The following ADAMTSL1 variants were observed in gnomAD, a reference collection of about 807,000 sequenced individuals.
ADAMTSL1 encodes ADAMTS-like protein 1.
ADAMTSL1 carries 126 observed loss-of-function variants against 201.8 expected under a neutral mutation model. The ratio of observed to expected loss-of-function variants is 0.62; its 90% CI spans 0.54 to 0.72. ADAMTSL1 has a LOEUF of 0.72. ADAMTSL1 is among the 30% of genes least tolerant of loss of function. The pLI, the probability that ADAMTSL1 is intolerant of heterozygous loss-of-function variation, is 0.00. For missense variants in ADAMTSL1, 2,679 were observed against 2,277.8 expected (o/e 1.18, Z -3.59); for synonymous variants, 1,121 against 903.4 (o/e 1.24, Z -4.32).
intron 2 of ADAMTSL1, among the ~76,000 whole-genome samples, chr9:18,325,880 A>G (rs753117399): frequency 1.4e-4 from 22 of 152,182 alleles, no homozygotes; most frequent in South Asian, 4.1e-4. Context: ...CGCTGGGATT[A>G]CAGGCATGCA....
At chr9:18,766,055 A>C (rs1820338934) in intron 16 of ADAMTSL1, among the ~76,000 whole-genome samples, 1 of 134,880 alleles carries the variant, frequency 7.4e-6, no homozygotes, top group Admixed American at 7.1e-5. Flanking sequence ...ACAAAACAAC[A>C]AAAAAAAAGT....
chr9:18,443,147 G>A (rs902558800), intron 2 of ADAMTSL1, among the ~76,000 whole-genome samples: 1 of 152,184 alleles, frequency 6.6e-6, no homozygotes, highest in Non-Finnish European at 1.5e-5. Context: ...GGCCTTTGAT[G>A]TATTTTATAG....
At chr9:17,935,169 A>T (rs983726964) in intron 1 of ADAMTSL1, among the ~76,000 whole-genome samples, 2 of 151,870 alleles carry the variant, frequency 1.3e-5, no homozygotes, top group African/African-American at 4.8e-5. Context: ...CTCCATCCTC[A>T]TTTCACTTGA....
At chr9:17,982,637 T>C (rs528540345) in intron 1 of ADAMTSL1, among the ~76,000 whole-genome samples, 2 of 151,648 alleles carry the variant, frequency 1.3e-5, no homozygotes, top group South Asian at 4.2e-4. Flanking sequence ...AATAAATAAA[T>C]AAAAATAAAA....
chr9:18,650,107 C>A (rs1345859571), intron 7 of ADAMTSL1, among the ~76,000 whole-genome samples: 1 of 152,212 alleles, frequency 6.6e-6, no homozygotes, highest in African/African-American at 2.4e-5. Flanking sequence ...GGGTGCCCAT[C>A]CCCAAGCCTC....
chr9:18,558,588 G>C (rs1821260637), intron 3 of ADAMTSL1, among the ~76,000 whole-genome samples: 1 of 152,198 alleles, frequency 6.6e-6, no homozygotes, highest in Non-Finnish European at 1.5e-5. Flanking sequence ...TCGCCACACT[G>C]TTTTCCACAA....
chr9:18,459,759 A>C (rs1374330688), intron 2 of ADAMTSL1, among the ~76,000 whole-genome samples: 2 of 152,226 alleles, frequency 1.3e-5, no homozygotes, highest in African/African-American at 4.8e-5. Flanking sequence ...AACTGTAAAA[A>C]TTGAGAGCTT....
intron 5 of ADAMTSL1, among the ~76,000 whole-genome samples, chr9:18,633,196 A>G (rs1191326899): frequency 1.3e-5 from 2 of 152,188 alleles, no homozygotes; most frequent in Admixed American, 1.3e-4. Context: ...GTGGGTAAAC[A>G]AAGACTTTCT....
chr9:18,183,745 T>G (rs1000635964), intron 2 of ADAMTSL1, among the ~76,000 whole-genome samples: 1 of 152,152 alleles, frequency 6.6e-6, no homozygotes, highest in African/African-American at 2.4e-5. Flanking sequence ...CAACATTCAG[T>G]AATTTATGTA....
At chr9:18,858,931 T>C (rs1369726659) in intron 23 of ADAMTSL1, among the ~76,000 whole-genome samples, 3 of 152,352 alleles carry the variant, frequency 2.0e-5, no homozygotes, top group Non-Finnish European at 2.9e-5. Flanking sequence ...AGTTTCTTAA[T>C]AGATGCATTA....
At chr9:18,359,374 A>T (rs988285353) in intron 2 of ADAMTSL1, among the ~76,000 whole-genome samples, 1 of 152,186 alleles carries the variant, frequency 6.6e-6, no homozygotes. Flanking sequence ...CTTTGAGAAA[A>T]GGTTACACAA....
chr9:18,845,908 C>T (rs1032514720), intron 23 of ADAMTSL1, among the ~76,000 whole-genome samples: 3 of 152,112 alleles, frequency 2.0e-5, no homozygotes, highest in Non-Finnish European at 4.4e-5. Context: ...AAAGTAGGAG[C>T]GTATATGAGA....
chr9:18,076,666 A>T (rs544863915), intron 1 of ADAMTSL1, among the ~76,000 whole-genome samples: 1 of 152,306 alleles, frequency 6.6e-6, no homozygotes, highest in African/African-American at 2.4e-5. Flanking sequence ...ACAAGCAGCT[A>T]ATGTTGGCCA....
At chr9:18,421,786 G>T (rs961578892) in intron 2 of ADAMTSL1, among the ~76,000 whole-genome samples, 1 of 152,052 alleles carries the variant, frequency 6.6e-6, no homozygotes, top group Non-Finnish European at 1.5e-5. Context: ...AAATAAAATA[G>T]GTGTCCAATA....
intron 5 of ADAMTSL1, among the ~76,000 whole-genome samples, chr9:18,627,611 A>G (rs980411777): frequency 6.6e-6 from 1 of 152,166 alleles, no homozygotes. Context: ...ATTCTTTGGC[A>G]TCTTCAAAGT....
At chr9:18,145,427 G>T (rs181805915) in intron 1 of ADAMTSL1, among the ~76,000 whole-genome samples, 1 of 152,216 alleles carries the variant, frequency 6.6e-6, no homozygotes, top group Middle Eastern at 3.4e-3. Context: ...AAACTTGAGG[G>T]AATGTTAATC....
At chr9:18,055,466 A>C (rs951445237) in intron 1 of ADAMTSL1, among the ~76,000 whole-genome samples, 10 of 152,344 alleles carry the variant, frequency 6.6e-5, no homozygotes, top group Non-Finnish European at 1.0e-4. Flanking sequence ...TATAAAGGCT[A>C]TTCTAAAAAC....
In ADAMTSL1 at chr9:18,706,914, G is replaced by T; in HGVS notation, c.1742G>T (p.Gly581Val). 1 of 1,613,998 alleles carries T rather than the reference G, an allele frequency of 6.2e-7. No homozygotes were observed. The highest frequency in any genetic ancestry group is 8.5e-7 in the Non-Finnish European group (1 of 1,179,884). Reference protein sequence around the residue: ...KPASQRACYAGPCSGEIPEFN... With the variant: ...KPASQRACYAVPCSGEIPEFN... ...GCATCCCAGCGTGCCTGTTATGCAG[G>T]CCCATGCAGCGGGGAAATTCCTGAG... The change falls in exon 14 of 29, where the codon GGC becomes GTC. Residue 581 changes from glycine to valine, a missense_variant. By Grantham distance (109) the Gly-to-Val change is moderately radical. Coordinates refer to ENST00000380548, the MANE Select transcript of ADAMTSL1 (RefSeq NM_001040272.6).
intron 1 of ADAMTSL1, among the ~76,000 whole-genome samples, chr9:18,010,317 C>T (rs1208724361): frequency 6.6e-6 from 1 of 151,990 alleles, no homozygotes; most frequent in Admixed American, 6.6e-5. Flanking sequence ...AGTTTTCTAT[C>T]CACACAGACA....
Sources: allele counts gnomAD v4.1 joint callset (sites outside exome capture counted in the v4.1 genomes callset), GRCh38; gene constraint gnomAD v4.1.1; transcripts MANE v1.5; gene names NCBI Gene and HGNC (gene_info 2026-07-23, HGNC 2026-07-21).